Variants in KCNK12 observed in about 807,000 individuals in gnomAD.
The protein encoded by KCNK12 is potassium channel subfamily K member 12.
KCNK12 carries 6 observed loss-of-function variants against 25.3 expected under a neutral mutation model. The ratio of observed to expected loss-of-function variants is 0.24; its 90% confidence interval spans 0.13 to 0.47. The LOEUF is 0.47. Among genes scored for constraint, KCNK12 ranks in the 20% least tolerant of loss-of-function variants. KCNK12 has a pLI of 0.99. For missense variants in KCNK12, 444 were observed against 661.7 expected, an observed-to-expected ratio of 0.67 and a Z score of 3.61; for synonymous variants, 331 against 311.1, an observed-to-expected ratio of 1.06 and a Z score of -0.67.
rs1403265946 is a variant in KCNK12, at chr2:47,510,100, C to G, written c.*10807G>C. On this transcript the variant is annotated 3_prime_UTR_variant, in exon 2 of 2. Coordinates refer to ENST00000327876, the MANE Select transcript of KCNK12 (RefSeq NM_022055.2). ...ATGCAGCAGAAAGTCCTAGGGAGGT[C>G]TAGGAAAAGTCCTGTTGGGAGAGAG... The G allele has an allele frequency of 6.6e-6, 1 of 152,214 alleles. No individual in the cohort carries two copies. Among genetic ancestry groups the G allele is most frequent in the Non-Finnish European group, 1.5e-5 (1 of 68,042 alleles). 9.4% of individuals were successfully genotyped at this position (152,214 alleles called of 1,614,324 possible). A position where few individuals can be genotyped will look rare whatever the true frequency, so the allele number is the denominator to read the frequency against.
At position 47,521,259 on chromosome 2, in the gene KCNK12, C is replaced by T. The variant is rs1181030809; in HGVS notation, c.941G>A (p.Ser314Asn). The T allele has an allele frequency of 1.2e-6, 2 of 1,608,282 alleles. No individual in the cohort carries two copies. Among genetic ancestry groups the T allele is most frequent in the African/African-American group, 2.7e-5 (2 of 74,828 alleles). Residue 314 changes from serine to asparagine, a missense_variant, in exon 2 of 2, where the codon AGC (serine) becomes AAC (asparagine). Physicochemically the swap from Ser to Asn is conservative, Grantham distance 46. This residue lies in a region of KCNK12 where 69 missense variants were observed against 81.7 expected (regional missense o/e 0.84). Transcript: ENST00000327876. ...GCAGCAGCGCGCGCAGCAGCGGCAG[C>T]TCAGCTTGCGCAGCATCCAGTTGAG... is the stretch of plus-strand genomic sequence containing the variant. ...QVLNWMLRKL[S>N]CRCCARCCPA...
rs1668433495 is a variant in KCNK12, at chr2:47,512,693, G to A, written c.*8214C>T. 1 of 382,698 alleles carries A rather than the reference G, an allele frequency of 2.6e-6. No homozygotes were observed. 23.7% of individuals were successfully genotyped at this position (382,698 alleles called of 1,614,324 possible). A position where few individuals can be genotyped will look rare whatever the true frequency, so the allele number is the denominator to read the frequency against. On this transcript the variant is annotated 3_prime_UTR_variant, in exon 2 of 2. Transcript: ENST00000327876. ...CCTCTGAACTCTGCTCTGCATTGCT[G>A]AGCAAACTACATTTCCCAGAACTCC... is the stretch of plus-strand genomic sequence containing the variant.
intron 1 of KCNK12, among the ~76,000 whole-genome samples, chr2:47,539,336 G>A (rs925142240): frequency 5.9e-5 from 9 of 152,196 alleles, no homozygotes; most frequent in Non-Finnish European, 1.3e-4. Flanking sequence ...GTGTTTATAT[G>A]CTCTCAATCA....
rs1429989410 is a variant in KCNK12, at chr2:47,547,590, C to A, written c.391+22351G>T. 6.6e-6 allele frequency among the ~76,000 whole-genome samples: 1 copy of A among 151,856 alleles called. No individual in the cohort carries two copies. The highest frequency in any genetic ancestry group is 1.5e-5 in the Non-Finnish European group (1 of 67,916). On this transcript the variant is annotated intron_variant, in intron 1 of 1. Coordinates refer to ENST00000327876, the MANE Select transcript of KCNK12 (RefSeq NM_022055.2). This position sits in a 1 kb window ranked among gnomAD's most constrained non-coding sequence, Gnocchi z 5.0. ...AGCCCCCTAGCTGACATTGGCAGGG[C>A]TTTATTTATTTATTTATTTACTTTT... is the stretch of plus-strand genomic sequence containing the variant.
Position 47,569,747 on chromosome 2 carries a change from C to G in KCNK12, c.391+194G>C, listed in dbSNP as rs1669849986. 6.6e-6 allele frequency among the ~76,000 whole-genome samples: 1 copy of G among 152,138 alleles called. No homozygotes were observed. The highest frequency in any genetic ancestry group is 1.5e-5 in the Non-Finnish European group (1 of 68,022). ...GTGAGCGCCAGAGGTGGGCTTTCTTCCCTCACTGAAAGCCGGGAGGGAGAG... is the reference window on the plus strand; with the variant it reads ...GTGAGCGCCAGAGGTGGGCTTTCTTGCCTCACTGAAAGCCGGGAGGGAGAG... On this transcript the variant is annotated intron_variant, in intron 1 of 1. Coordinates refer to ENST00000327876, the MANE Select transcript of KCNK12 (RefSeq NM_022055.2). The surrounding 1 kb of genome is among the most constrained non-coding windows in gnomAD (Gnocchi z 4.1).
In KCNK12 at chr2:47,562,558, A is replaced by C. The variant is rs1430089504; in HGVS notation, c.391+7383T>G. On this transcript the variant is annotated intron_variant, in intron 1 of 1. Coordinates refer to ENST00000327876, the MANE Select transcript of KCNK12 (RefSeq NM_022055.2). This position sits in a 1 kb window ranked among gnomAD's most constrained non-coding sequence, Gnocchi z 4.8. ...GCATTCTCCACCACAGCCAGTGGCCACTTGGAGAGGGGACCTAGAGTCCCC... is the reference window on the plus strand; with the variant it reads ...GCATTCTCCACCACAGCCAGTGGCCCCTTGGAGAGGGGACCTAGAGTCCCC... 3 of 234,464 alleles carry C rather than the reference A, an allele frequency of 1.3e-5. No homozygotes were observed. Among genetic ancestry groups the C allele is most frequent in the Non-Finnish European group, 2.5e-5 (3 of 119,036 alleles). 14.5% of individuals were successfully genotyped at this position (234,464 alleles called of 1,614,324 possible).
At chr2:47,534,340 C>T (rs1204381321) in intron 1 of KCNK12, among the ~76,000 whole-genome samples, 2 of 152,132 alleles carry the variant, frequency 1.3e-5, no homozygotes, top group African/African-American at 4.8e-5. Flanking sequence ...CTCCGGGTAG[C>T]TCCCGTTTAA....
intron 1 of KCNK12, among the ~76,000 whole-genome samples, chr2:47,522,873 A>G (rs1343679106): frequency 6.6e-6 from 1 of 152,220 alleles, no homozygotes; most frequent in Non-Finnish European, 1.5e-5. Context: ...GCAGTTTTTA[A>G]AGAGTTGTCA....
At chr2:47,532,863 C>T (rs1296936114) in intron 1 of KCNK12, among the ~76,000 whole-genome samples, 2 of 152,162 alleles carry the variant, frequency 1.3e-5, no homozygotes, top group Non-Finnish European at 2.9e-5. Flanking sequence ...GAAGGGCCTC[C>T]CTCGGAGAGC....
At position 47,569,722 on chromosome 2, in the gene KCNK12, G is replaced by T. The variant is rs1024112997; in HGVS notation, c.391+219C>A. ...AGTGTTGGAGCACAGGCGGCCCGGGGTGAGCGCCAGAGGTGGGCTTTCTTC... is the reference window on the plus strand; with the variant it reads ...AGTGTTGGAGCACAGGCGGCCCGGGTTGAGCGCCAGAGGTGGGCTTTCTTC... On this transcript the variant is annotated intron_variant, in intron 1 of 1. Coordinates refer to ENST00000327876, the MANE Select transcript of KCNK12 (RefSeq NM_022055.2). The surrounding 1 kb of genome is among the most constrained non-coding windows in gnomAD (Gnocchi z 4.1). Among the ~76,000 whole-genome samples, 1 of 152,218 alleles carries T rather than the reference G, an allele frequency of 6.6e-6. No individual in the cohort carries two copies. Among genetic ancestry groups the T allele is most frequent in the Non-Finnish European group, 1.5e-5 (1 of 68,030 alleles).
At chr2:47,544,590 G>A (rs778449717) in intron 1 of KCNK12, among the ~76,000 whole-genome samples, 20 of 152,230 alleles carry the variant, frequency 1.3e-4, no homozygotes, top group Non-Finnish European at 2.5e-4. Flanking sequence ...TTTTCTGGCA[G>A]ATGTAGGCTC....
At position 47,512,820 on chromosome 2, in the gene KCNK12, G is replaced by T. The variant is rs971982068; in HGVS notation, c.*8087C>A. 5 of 185,990 alleles carry T rather than the reference G, an allele frequency of 2.7e-5. No individual in the cohort carries two copies. In the Admixed American group the frequency reaches 2.7e-4, roughly 10 times the overall value. 11.5% of individuals were successfully genotyped at this position (185,990 alleles called of 1,614,324 possible). ...GGAAGGGACTCACTTCCTGTTTCCA[G>T]CTGAAGTCTAAATCAATCCACTATC... On this transcript the variant is annotated 3_prime_UTR_variant, in exon 2 of 2. Coordinates refer to ENST00000327876, the MANE Select transcript of KCNK12 (RefSeq NM_022055.2).
chr2:47,517,763 C>T lies in KCNK12; in HGVS notation c.*3144G>A, dbSNP rs1196577064. Reference sequence around the variant, plus strand: ...ACCACCTGGCTTTAGCAAGCTAGGACACCCAGGGTGGCTTCTTTACCTTTC... The same window carrying T: ...ACCACCTGGCTTTAGCAAGCTAGGATACCCAGGGTGGCTTCTTTACCTTTC... On this transcript the variant is annotated 3_prime_UTR_variant, in exon 2 of 2. Transcript: ENST00000327876. The surrounding 1 kb of genome is among the most constrained non-coding windows in gnomAD (Gnocchi z 4.1). The T allele has an allele frequency of 6.6e-6, 1 of 152,230 alleles. No homozygotes were observed. Among genetic ancestry groups the T allele is most frequent in the African/African-American group, 2.4e-5 (1 of 41,454 alleles). 9.4% of individuals were successfully genotyped at this position (152,230 alleles called of 1,614,324 possible).
rs1465383216 is a variant in KCNK12 at position 47,527,766 on chromosome 2, A to G, written c.392-5958T>C. Reference sequence around the variant, plus strand: ...CCTCACAAGGGTGTGGCTTTATCCGAGGGCCTCAGCAAGGCAACCAACACC... The same window carrying G: ...CCTCACAAGGGTGTGGCTTTATCCGGGGGCCTCAGCAAGGCAACCAACACC... On this transcript the variant is annotated intron_variant, in intron 1 of 1. Transcript: ENST00000327876. 3.3e-5 allele frequency: 5 copies of G among 152,266 alleles called. No individual in the cohort carries two copies. The East Asian group carries it at 9.6e-4, about 29-fold the overall frequency. 9.4% of individuals were successfully genotyped at this position (152,266 alleles called of 1,614,324 possible).
At chr2:47,549,056 A>G (rs1669370750) in intron 1 of KCNK12, among the ~76,000 whole-genome samples, 1 of 152,230 alleles carries the variant, frequency 6.6e-6, no homozygotes, top group African/African-American at 2.4e-5. Flanking sequence ...CTAGAAAAAA[A>G]TAAGACCAAG....
intron 1 of KCNK12, among the ~76,000 whole-genome samples, chr2:47,554,841 T>A (rs1669518780): frequency 6.6e-6 from 1 of 152,220 alleles, no homozygotes; most frequent in Non-Finnish European, 1.5e-5. Context: ...TGGAGTAGAC[T>A]GGTCGTGATG....
In KCNK12 at chr2:47,510,652, C is replaced by G. The variant is rs1668378556; in HGVS notation, c.*10255G>C. Reference sequence around the variant, plus strand: ...TCGTTTATCTCTATTCAGTGGAACACAGCAGCACTGTGACCTGCCCACGAG... The same window carrying G: ...TCGTTTATCTCTATTCAGTGGAACAGAGCAGCACTGTGACCTGCCCACGAG... On this transcript the variant is annotated 3_prime_UTR_variant, in exon 2 of 2. Coordinates refer to ENST00000327876, the MANE Select transcript of KCNK12 (RefSeq NM_022055.2). Among the ~76,000 whole-genome samples, 3 of 152,268 alleles carry G rather than the reference C, an allele frequency of 2.0e-5. No individual in the cohort carries two copies. In the South Asian group the frequency reaches 6.2e-4, roughly 32 times the overall value.
intron 1 of KCNK12, among the ~76,000 whole-genome samples, chr2:47,558,729 G>A (rs568257933): frequency 6.6e-6 from 1 of 152,172 alleles, no homozygotes; most frequent in Non-Finnish European, 1.5e-5. Context: ...CGGAGTTTGC[G>A]TTTATCTCAA....
At chr2:47,545,131 C>G (rs1299181332) in intron 1 of KCNK12, among the ~76,000 whole-genome samples, 1 of 152,100 alleles carries the variant, frequency 6.6e-6, no homozygotes, top group African/African-American at 2.4e-5. Context: ...TGGCAAGGTG[C>G]TAGGAGGTTA....
Sources: allele counts gnomAD v4.1 joint callset (sites outside exome capture counted in the v4.1 genomes callset), GRCh38; gene constraint gnomAD v4.1.1; regional missense constraint gnomAD v4.1.1; non-coding constraint Gnocchi (gnomAD v3.1); transcripts MANE v1.5; gene names NCBI Gene and HGNC (gene_info 2026-07-23, HGNC 2026-07-21).